The following FAM161A variants were observed in gnomAD, a reference collection of about 807,000 sequenced individuals.
FAM161A encodes FAM161 centrosomal protein A.
In FAM161A, 57 loss-of-function variants were observed where a neutral mutation model predicts 70.9. That is an observed-to-expected ratio of 0.80 (90% CI 0.65 to 1.00). The LOEUF (loss-of-function observed/expected upper bound fraction) is 1.00, where lower values mean the gene tolerates loss of function less well. Ranked by LOEUF, FAM161A falls within the 50% of genes least tolerant of loss-of-function variation. The probability of loss-of-function intolerance (pLI) is 0.00; values close to 1 mark genes in which losing one functional copy is unlikely to be tolerated. For synonymous variants in FAM161A, 299 were observed against 295.7 expected (o/e 1.01, Z -0.12); for missense variants, 880 against 836.0 (o/e 1.05, Z -0.65).
chr2:61,821,131 C>A (rs1672194339), downstream of FAM161A, among the ~76,000 whole-genome samples: 1 of 151,842 alleles, frequency 6.6e-6, no homozygotes, highest in Non-Finnish European at 1.5e-5. Flanking sequence ...CAGCTCACTG[C>A]AACCTCGGCC....
At chr2:61,831,334 G>A (rs554727117) in intron 5 of FAM161A, among the ~76,000 whole-genome samples, 97 of 150,954 alleles carry the variant, frequency 6.4e-4, no homozygotes, top group African/African-American at 2.3e-3. Context: ...ACAAATATTA[G>A]TATTCCCAGG....
At position 61,836,093 on chromosome 2, in the gene FAM161A, T is replaced by C. The variant is rs3710; in HGVS notation, c.1768A>G (p.Arg590Gly). ...VKCLRKSEKE[R>G]MREYQRELEE... is the part of the protein sequence containing the mutation. ...AGTTCTCGTTGGTATTCTCTCATCC[T>C]TTCCTTTTCGCTCTTTCTAAAATTA... Residue 590 changes from arginine (R) to glycine (G), a missense_variant, in exon 5 of 7, where the codon AGG (arginine) becomes GGG (glycine). By Grantham distance (125) the Arg-to-Gly change is moderately radical (BLOSUM62 -2). Transcript: ENST00000404929. 1.2e-6 allele frequency: 2 copies of C among 1,609,298 alleles called. No individual in the cohort carries two copies. Among genetic ancestry groups the C allele is most frequent in the Admixed American group, 1.7e-5 (1 of 59,450 alleles).
At chr2:61,818,583 T>A in the FAM161A span, among the ~76,000 whole-genome samples, 1 of 152,146 alleles carries the variant, frequency 6.6e-6, no homozygotes, top group African/African-American at 2.4e-5. Flanking sequence ...GAGCATAATT[T>A]AAAAATTTTA....
At chr2:61,808,174 C>A in the FAM161A span, among the ~76,000 whole-genome samples, 2 of 152,090 alleles carry the variant, frequency 1.3e-5, no homozygotes, top group African/African-American at 2.4e-5. Context: ...ATTGCCTTAT[C>A]TTTTCAAAAG....
chr2:61,825,354 G>A lies in FAM161A; in HGVS notation c.*1101C>T. On this transcript the variant is annotated 3_prime_UTR_variant, in exon 7 of 7. Coordinates refer to ENST00000404929, the MANE Select transcript of FAM161A (RefSeq NM_001201543.2). ...AGAGTTAAATCTGAATTACTTTGGA[G>A]ACTTGCCCTAGCCAAGTTATTATGC... is the stretch of plus-strand genomic sequence containing the variant. 2 of 454,152 alleles carry A rather than the reference G, an allele frequency of 4.4e-6. No homozygotes were observed. Among genetic ancestry groups the A allele is most frequent in the Non-Finnish European group, 8.8e-6 (2 of 226,784 alleles). 28.1% of individuals were successfully genotyped at this position (454,152 alleles called of 1,614,324 possible).
At chr2:61,820,644 T>A (rs1672183996), downstream of FAM161A, 4 of 560,876 alleles carry the variant, frequency 7.1e-6, no homozygotes, top group Non-Finnish European at 6.5e-6. Flanking sequence ...TTTGTATGTG[T>A]GATGATGGTA....
intron 5 of FAM161A, among the ~76,000 whole-genome samples, chr2:61,830,906 C>A (rs887562243): frequency 6.6e-6 from 1 of 151,400 alleles, no homozygotes; most frequent in Non-Finnish European, 1.5e-5. Flanking sequence ...GTCAGGAGTT[C>A]GAGACCAGCC....
At chr2:61,842,688 A>C (rs1673063269) in intron 1 of FAM161A, among the ~76,000 whole-genome samples, 1 of 152,230 alleles carries the variant, frequency 6.6e-6, no homozygotes, top group African/African-American at 2.4e-5. Flanking sequence ...TATTTCTATA[A>C]GGAGCCTCCT....
intron 1 of FAM161A, chr2:61,846,814 G>A: frequency 2.5e-6 from 1 of 399,540 alleles, no homozygotes. Flanking sequence ...TCTAGCAACG[G>A]TTATTCATCT....
chr2:61,805,149 C>T, the FAM161A span, among the ~76,000 whole-genome samples: 1 of 152,156 alleles, frequency 6.6e-6, no homozygotes, highest in Non-Finnish European at 1.5e-5. Flanking sequence ...AATCTCTGAC[C>T]TGTAACCTGC....
At chr2:61,815,065 A>T in the FAM161A span, among the ~76,000 whole-genome samples, 1 of 152,180 alleles carries the variant, frequency 6.6e-6, no homozygotes, top group Non-Finnish European at 1.5e-5. Context: ...CTTGATGCCT[A>T]GGGGTCCACA....
intron 4 of FAM161A, 56 bp from the exon 5 acceptor site, chr2:61,836,165 T>TA: frequency 8.3e-7 from 1 of 1,201,504 alleles, no homozygotes; most frequent in East Asian, 2.3e-5. Context: ...AATAAGAACT[T>TA]ACATATGTAA....
intron 5 of FAM161A, among the ~76,000 whole-genome samples, chr2:61,828,096 A>T (rs1397156495): frequency 6.6e-6 from 1 of 152,166 alleles, no homozygotes; most frequent in African/African-American, 2.4e-5. Context: ...CTTATCCTGA[A>T]AGTTAGAATG....
In FAM161A at chr2:61,826,412, G is replaced by A. The variant is rs755891868; in HGVS notation, c.*43C>T. ...CAAATGCGGCTGCTGACACCCTGACGCTGCAAACAACAGCAAGGGCATAGA... is the reference window on the plus strand; with the variant it reads ...CAAATGCGGCTGCTGACACCCTGACACTGCAAACAACAGCAAGGGCATAGA... On this transcript the variant is annotated 3_prime_UTR_variant, in exon 7 of 7. Transcript: ENST00000404929. 4.7e-5 allele frequency: 51 copies of A among 1,079,792 alleles called. No individual in the cohort carries two copies. The highest frequency in any genetic ancestry group is 6.2e-5 in the Non-Finnish European group (46 of 736,112). 66.9% of individuals were successfully genotyped at this position (1,079,792 alleles called of 1,614,324 possible).
At chr2:61,827,748 G>A (rs1453562376) in intron 5 of FAM161A, among the ~76,000 whole-genome samples, 1 of 151,970 alleles carries the variant, frequency 6.6e-6, no homozygotes, top group Non-Finnish European at 1.5e-5. Context: ...TCCCACATAT[G>A]AGTCCCAAGG....
the FAM161A span, among the ~76,000 whole-genome samples, chr2:61,813,423 C>G: frequency 1.3e-5 from 2 of 151,466 alleles, no homozygotes; most frequent in African/African-American, 4.9e-5. Flanking sequence ...TGATGCACGT[C>G]TGTAGTACCA....
chr2:61,848,862 TTATA>T (rs1174100020), intron 1 of FAM161A, among the ~76,000 whole-genome samples: 493 of 3,474 alleles, frequency 0.14, 135 homozygotes, highest in East Asian at 0.52. Flanking sequence ...ATATATATAT[TTATA>T]TATATATTTA....
intron 1 of FAM161A, among the ~76,000 whole-genome samples, chr2:61,843,903 G>A (rs1396123500): frequency 6.6e-6 from 1 of 152,108 alleles, no homozygotes; most frequent in Non-Finnish European, 1.5e-5. Context: ...CAGCACTTTG[G>A]GAGGCCGAGG....
At chr2:61,810,739 C>T in the FAM161A span, among the ~76,000 whole-genome samples, 3 of 152,062 alleles carry the variant, frequency 2.0e-5, no homozygotes, top group Non-Finnish European at 4.4e-5. Context: ...GGATTACAGG[C>T]ATGAGCCACC....
Sources: allele counts gnomAD v4.1 joint callset (sites outside exome capture counted in the v4.1 genomes callset), GRCh38; gene constraint gnomAD v4.1.1; transcripts MANE v1.5; gene names NCBI Gene and HGNC (gene_info 2026-07-23, HGNC 2026-07-21).